The following ADK variants were observed in gnomAD, a reference collection of about 807,000 sequenced individuals.
The protein encoded by ADK is N6,N6-dimethyladenosine kinase.
In ADK, 24 loss-of-function variants were observed where a neutral mutation model predicts 44.7. That is an observed-to-expected ratio of 0.54 (90% CI 0.39 to 0.76). ADK has a LOEUF of 0.76. Ranked by LOEUF, ADK falls within the 30% of genes least tolerant of loss-of-function variation. The pLI, the probability that ADK is intolerant of heterozygous loss-of-function variation, is 0.00. For synonymous variants in ADK, 128 were observed against 142.6 expected (o/e 0.90, Z 0.73); for missense variants, 321 against 425.1 (o/e 0.76, Z 2.15).
At chr10:74,185,842 GAAAAAAAAAAAAA>G (rs71021593) in intron 1 of ADK, among the ~76,000 whole-genome samples, 1,434 of 65,858 alleles carry the variant, frequency 0.022, 40 homozygotes, top group African/African-American at 0.069. Context: ...GTCTCAAAAA[GAAAAAAAAAAAAA>G]AAAAAAAAAA....
At chr10:74,629,458 C>T (rs1238657070) in intron 9 of ADK, among the ~76,000 whole-genome samples, 2 of 152,196 alleles carry the variant, frequency 1.3e-5, no homozygotes, top group Non-Finnish European at 2.9e-5. Context: ...AAAATTAAGA[C>T]TTGAAATGTC....
intron 1 of ADK, among the ~76,000 whole-genome samples, chr10:74,162,133 G>A (rs995255055): frequency 5.9e-5 from 9 of 151,974 alleles, no homozygotes; most frequent in African/African-American, 2.2e-4. Context: ...CGATTCTCCT[G>A]CCTCAGCCTC....
chr10:74,212,915 A>G (rs1346880489), intron 2 of ADK, among the ~76,000 whole-genome samples: 1 of 152,088 alleles, frequency 6.6e-6, no homozygotes, highest in African/African-American at 2.4e-5. Context: ...TAGAGATAAC[A>G]TTTGAATTTT....
rs1843907822 is a variant in ADK at position 74,213,599 on chromosome 10, A to ATTT, written c.141-10938_141-10937insTTT. The stretch of plus-strand genomic sequence containing the variant: ...CATTTAATAGATGGATAGATAAAGA[A>ATTT]TGAGTATAGAATGAGATTAAGAAAA... On this transcript the variant is annotated intron_variant, in intron 2 of 10. Coordinates refer to ENST00000539909, the MANE Select transcript of ADK (RefSeq NM_006721.4). 2.6e-5 allele frequency among the ~76,000 whole-genome samples: 4 copies of ATTT among 152,344 alleles called. No individual in the cohort carries two copies. In the South Asian group the frequency reaches 8.3e-4, roughly 32 times the overall value.
chr10:74,534,867 A>G (rs1849399535), intron 7 of ADK, among the ~76,000 whole-genome samples: 1 of 152,326 alleles, frequency 6.6e-6, no homozygotes, highest in South Asian at 2.1e-4. Flanking sequence ...TTCTGTTCCA[A>G]CAAAGTTATT....
At chr10:74,338,259 G>A (rs1031550793) in intron 4 of ADK, among the ~76,000 whole-genome samples, 2 of 152,106 alleles carry the variant, frequency 1.3e-5, no homozygotes, top group Admixed American at 1.3e-4. Flanking sequence ...ATACATATGT[G>A]GATAGCGAAA....
intron 1 of ADK, among the ~76,000 whole-genome samples, chr10:74,167,379 AT>A (rs1477309610): frequency 6.6e-6 from 1 of 152,190 alleles, no homozygotes; most frequent in African/African-American, 2.4e-5. Flanking sequence ...ACTTTATTAG[AT>A]GTCATGATTT....
intron 4 of ADK, among the ~76,000 whole-genome samples, chr10:74,361,513 A>G (rs542920984): frequency 1.2e-4 from 18 of 152,228 alleles, no homozygotes; most frequent in Non-Finnish European, 2.5e-4. Context: ...AAAAGTGAAC[A>G]TTAACTTCCT....
intron 10 of ADK, among the ~76,000 whole-genome samples, chr10:74,684,855 A>C (rs1855733159): frequency 6.6e-6 from 1 of 152,228 alleles, no homozygotes; most frequent in South Asian, 2.1e-4. Context: ...ACACAATGTG[A>C]TCTAAACACA....
At chr10:74,253,872 T>C (rs554472869) in intron 3 of ADK, among the ~76,000 whole-genome samples, 3 of 151,520 alleles carry the variant, frequency 2.0e-5, no homozygotes, top group Admixed American at 2.0e-4. Flanking sequence ...GTTCAGGTGA[T>C]TCTTTTGCCT....
intron 7 of ADK, among the ~76,000 whole-genome samples, chr10:74,581,398 A>G (rs1372969265): frequency 6.6e-6 from 1 of 152,102 alleles, no homozygotes; most frequent in Non-Finnish European, 1.5e-5. Context: ...ACCTAGAGGG[A>G]AAAAAAGACT....
chr10:74,319,902 G>A (rs1412657460), intron 4 of ADK, among the ~76,000 whole-genome samples: 1 of 151,970 alleles, frequency 6.6e-6, no homozygotes, highest in Non-Finnish European at 1.5e-5. Flanking sequence ...TACGCTCATT[G>A]ATTACGTCTT....
intron 6 of ADK, among the ~76,000 whole-genome samples, chr10:74,429,782 A>C (rs1030972875): frequency 1.3e-5 from 2 of 152,186 alleles, no homozygotes; most frequent in Non-Finnish European, 2.9e-5. Flanking sequence ...AAATTCATCT[A>C]TCAGGAGCTT....
At chr10:74,373,483 C>A (rs759543050) in intron 4 of ADK, among the ~76,000 whole-genome samples, 2 of 152,032 alleles carry the variant, frequency 1.3e-5, no homozygotes, top group Non-Finnish European at 2.9e-5. Flanking sequence ...AGACAAATAA[C>A]TCACTTTAAA....
At chr10:74,618,436 A>G (rs541204412) in intron 9 of ADK, among the ~76,000 whole-genome samples, 1 of 152,098 alleles carries the variant, frequency 6.6e-6, no homozygotes, top group Non-Finnish European at 1.5e-5. Context: ...GATTACAGGC[A>G]TGCGCCATCA....
At chr10:74,371,395 C>A (rs892258669) in intron 4 of ADK, 8 of 590,204 alleles carry the variant, frequency 1.4e-5, no homozygotes, top group African/African-American at 1.3e-4. Context: ...ATAACATGAT[C>A]TTATATACCA....
intron 4 of ADK, among the ~76,000 whole-genome samples, chr10:74,346,524 C>T (rs941391136): frequency 6.6e-6 from 1 of 152,066 alleles, no homozygotes; most frequent in African/African-American, 2.4e-5. Flanking sequence ...AGAAAGACAA[C>T]ACTAGAATCA....
Position 74,706,911 on chromosome 10 carries a change from A to T in ADK, c.965-1410A>T, listed in dbSNP as rs532350890. 2.0e-5 allele frequency among the ~76,000 whole-genome samples: 3 copies of T among 152,168 alleles called. No individual in the cohort carries two copies. The East Asian group carries it at 5.8e-4, about 29-fold the overall frequency. ...TTAGGCTTCTTTTATATTTCTCAGC[A>T]TTGTTTTGTCATTTTCAATGTGCAG... On this transcript the variant is annotated intron_variant, in intron 10 of 10. Coordinates refer to ENST00000539909, the MANE Select transcript of ADK (RefSeq NM_006721.4).
At chr10:74,603,742 T>G (rs1344294303) in intron 9 of ADK, among the ~76,000 whole-genome samples, 2 of 152,246 alleles carry the variant, frequency 1.3e-5, no homozygotes, top group Non-Finnish European at 2.9e-5. Context: ...TAGAATGATT[T>G]ATAATCCTTT....
Sources: allele counts gnomAD v4.1 joint callset (sites outside exome capture counted in the v4.1 genomes callset), GRCh38; gene constraint gnomAD v4.1.1; transcripts MANE v1.5; gene names NCBI Gene and HGNC (gene_info 2026-07-23, HGNC 2026-07-21).